The following SESN2 variants were observed in gnomAD, a reference collection of about 807,000 sequenced individuals.
The protein encoded by SESN2 is sestrin-2.
SESN2 carries 42 observed loss-of-function variants against 56.0 expected under a neutral mutation model. That is an observed-to-expected ratio of 0.75 (90% CI 0.59 to 0.97). The LOEUF (loss-of-function observed/expected upper bound fraction) is 0.97. Ranked by LOEUF, SESN2 falls within the 50% of genes least tolerant of loss-of-function variation. The pLI is 0.00. For missense variants in SESN2, 507 were observed against 649.4 expected (o/e 0.78, Z 2.38); for synonymous variants, 264 against 267.1 (o/e 0.99, Z 0.11).
intron 3 of SESN2, 32 bp downstream of exon 3, chr1:28,271,903 G>C (rs765380979): frequency 2.5e-6 from 4 of 1,603,656 alleles, no homozygotes; most frequent in Non-Finnish European, 3.4e-6. Context: ...ACTTGGAGAG[G>C]TGGCTTTGTG....
intron 3 of SESN2, 72 bp from the exon 4 acceptor site, chr1:28,272,211 CT>C (rs1370212190): frequency 5.8e-5 from 88 of 1,516,874 alleles, no homozygotes; most frequent in East Asian, 9.0e-5. Flanking sequence ...AACCTCTCCC[CT>C]GATGGGGTAC....
chr1:28,271,759 T>C lies in SESN2; in HGVS notation c.242T>C (p.Val81Ala). Residue 81 changes from valine (V) to alanine (A), a missense_variant, in exon 3 of 10, where the codon GTG becomes GCG. Coordinates refer to ENST00000253063, the MANE Select transcript of SESN2 (RefSeq NM_031459.5). ...TCTGGGCGAGTAGACAACCTGGCAG[T>C]GGTGATGGGCCTGCACCCTGACTAC... ...MSSGRVDNLA[V>A]VMGLHPDYFT... The C allele has an allele frequency of 6.2e-7, 1 of 1,614,112 alleles. No homozygotes were observed. Among genetic ancestry groups the C allele is most frequent in the Non-Finnish European group, 8.5e-7 (1 of 1,180,000 alleles).
chr1:28,265,639 C>A (rs1647534686), intron 1 of SESN2, among the ~76,000 whole-genome samples: 1 of 152,176 alleles, frequency 6.6e-6, no homozygotes, highest in South Asian at 2.1e-4. Context: ...TGGTGATCCG[C>A]CTGCCTCGGC....
chr1:28,276,215 A>G (rs144919490), intron 8 of SESN2, among the ~76,000 whole-genome samples: 5,118 of 152,232 alleles, frequency 0.034, 118 homozygotes, highest in Middle Eastern at 0.054. Flanking sequence ...GCAGTGGCTC[A>G]CACCTGCAAT....
intron 2 of SESN2, 51 bp downstream of exon 2, chr1:28,269,299 G>A (rs61785864): frequency 1.6e-6 from 2 of 1,257,778 alleles, no homozygotes; most frequent in Admixed American, 2.0e-5. Flanking sequence ...GAAAGGACAT[G>A]GCATATTGGT....
At position 28,274,923 on chromosome 1, in the gene SESN2, C is replaced by T. The variant is rs1426374899; in HGVS notation, c.1119C>T (p.Leu373=). The T allele has an allele frequency of 6.2e-7, 1 of 1,614,206 alleles. No homozygotes were observed. The highest frequency in any genetic ancestry group is 8.5e-7 in the Non-Finnish European group (1 of 1,180,012). Reference sequence around the variant, plus strand: ...AGAAGTTCCAGGCAGCCTATAGCCTCACCTACAATACCATCGCCATGCACA... The same window carrying T: ...AGAAGTTCCAGGCAGCCTATAGCCTTACCTACAATACCATCGCCATGCACA... ...LDEKFQAAYS[L]TYNTIAMHSG... The change falls in exon 8 of 10, where the codon CTC becomes CTT. Residue 373 remains leucine (L), a synonymous_variant. Coordinates refer to ENST00000253063, the MANE Select transcript of SESN2 (RefSeq NM_031459.5).
intron 8 of SESN2, among the ~76,000 whole-genome samples, chr1:28,278,402 A>G (rs560799144): frequency 1.3e-5 from 2 of 152,196 alleles, no homozygotes; most frequent in Admixed American, 1.3e-4. Context: ...CCCCATCTCT[A>G]CTAAAAATAC....
At chr1:28,275,497 G>A (rs1176468914) in intron 8 of SESN2, among the ~76,000 whole-genome samples, 7 of 152,214 alleles carry the variant, frequency 4.6e-5, no homozygotes, top group African/African-American at 1.7e-4. Context: ...GCTCATGCCT[G>A]TAATCCCAGC....
At chr1:28,276,636 A>G (rs1222750901) in intron 8 of SESN2, among the ~76,000 whole-genome samples, 7 of 126,102 alleles carry the variant, frequency 5.6e-5, no homozygotes, top group Non-Finnish European at 7.8e-5. Context: ...CTGGAGTGCA[A>G]TGGGGTGATC....
chr1:28,271,597 C>A, intron 2 of SESN2, 77 bp from the exon 3 acceptor site: 1 of 1,163,230 alleles, frequency 8.6e-7, no homozygotes, highest in Non-Finnish European at 1.3e-6. Context: ...ATTAAAAACC[C>A]ACTGGAAGAA....
rs750097439 is a variant in SESN2 at position 28,269,266 on chromosome 1, T to G, written c.156+18T>G. ...TGGAGGAGGTAAGCTTGGAAGGGGT[T>G]AGGGATCTTTGGTCCCTGGGAAGAA... On this transcript the variant is annotated intron_variant, in intron 2 of 9. Transcript: ENST00000253063. The G allele has an allele frequency of 5.0e-6, 8 of 1,593,100 alleles. No homozygotes were observed. In the Admixed American group the frequency reaches 8.6e-5, roughly 17 times the overall value.
At chr1:28,273,110 A>G (rs147559223) in intron 5 of SESN2, among the ~76,000 whole-genome samples, 2 of 152,352 alleles carry the variant, frequency 1.3e-5, no homozygotes, top group Non-Finnish European at 2.9e-5. Flanking sequence ...GTGGCCTTGT[A>G]TGTTTCAATA....
rs570682193 is a variant in SESN2 at position 28,274,704 on chromosome 1, A to T, written c.1021-121A>T. ...TTGACCTCTCAGGCCCAGAGCAAGC[A>T]GCACGTTAGGTTTATGGCACCAGGA... is the stretch of plus-strand genomic sequence containing the variant. On this transcript the variant is annotated intron_variant, in intron 7 of 9. Coordinates refer to ENST00000253063, the MANE Select transcript of SESN2 (RefSeq NM_031459.5). 9.0e-5 allele frequency: 70 copies of T among 774,974 alleles called. 3 individuals are homozygous for T. The South Asian group carries it at 1.1e-3, about 12-fold the overall frequency. The allele number at this position is 774,974 out of a possible 1,614,324, so 48.0% of individuals were successfully genotyped here.
intron 8 of SESN2, 78 bp downstream of exon 8, chr1:28,275,093 T>A: frequency 1.8e-6 from 2 of 1,085,694 alleles, no homozygotes; most frequent in Non-Finnish European, 2.5e-6. Context: ...TTCCATTTTC[T>A]TTTTGTTTTT....
rs780608276 is a variant in SESN2, at chr1:28,272,740, C to G, written c.697C>G (p.Pro233Ala). ...DGSPAPQAPT[P>A]PSEQSSPPSR... is the part of the protein sequence containing the mutation. ...CAGCCCTGCCCCCCAGGCACCTACA[C>G]CCCCTAGTGAACAGAGCAGCCCCCC... is the stretch of plus-strand genomic sequence containing the variant. Residue 233 changes from proline to alanine, a missense_variant, in exon 5 of 10, where the codon CCC (proline) becomes GCC (alanine). Coordinates refer to ENST00000253063, the MANE Select transcript of SESN2 (RefSeq NM_031459.5). 1.2e-6 allele frequency: 2 copies of G among 1,612,182 alleles called. No individual in the cohort carries two copies. Among genetic ancestry groups the G allele is most frequent in the Admixed American group, 3.3e-5 (2 of 59,986 alleles).
chr1:28,272,620 G>A lies in SESN2; in HGVS notation c.577G>A (p.Glu193Lys), dbSNP rs1245263209. Residue 193 changes from glutamate to lysine, a missense_variant, in exon 5 of 10, where the codon GAG becomes AAG. Coordinates refer to ENST00000253063, the MANE Select transcript of SESN2 (RefSeq NM_031459.5). ...CGGCGAGCACACTTGGTCCCTGGCC[G>A]AGCTCATTCAGGCTCTGGTCCTGCT... ...KTGEHTWSLA[E>K]LIQALVLLTH... 1.1e-5 allele frequency: 18 copies of A among 1,613,930 alleles called. No homozygotes were observed. The highest frequency in any genetic ancestry group is 1.3e-5 in the African/African-American group (1 of 74,878).
At chr1:28,274,196 AT>A in intron 7 of SESN2, 38 bp downstream of exon 7, 1 of 1,315,470 alleles carries the variant, frequency 7.6e-7, no homozygotes, top group Non-Finnish European at 1.1e-6. Flanking sequence ...ATTGCTCCAC[AT>A]TTACGAACAA....
chr1:28,268,545 A>G (rs1295494938), intron 1 of SESN2, among the ~76,000 whole-genome samples: 2 of 151,936 alleles, frequency 1.3e-5, no homozygotes, highest in Non-Finnish European at 2.9e-5. Flanking sequence ...CATGCCTGTA[A>G]TCCCAGCTAC....
chr1:28,268,220 G>C (rs922276875), intron 1 of SESN2, among the ~76,000 whole-genome samples: 4 of 152,158 alleles, frequency 2.6e-5, no homozygotes, highest in Non-Finnish European at 5.9e-5. Context: ...CCAGACAAGA[G>C]GGGGTGGTAG....
Sources: allele counts gnomAD v4.1 joint callset (sites outside exome capture counted in the v4.1 genomes callset), GRCh38; gene constraint gnomAD v4.1.1; transcripts MANE v1.5; gene names NCBI Gene and HGNC (gene_info 2026-07-23, HGNC 2026-07-21).